The following SPATC1 variants were observed in gnomAD, a reference collection of about 807,000 sequenced individuals.
The protein encoded by SPATC1 is speriolin.
Under a neutral mutation model 36.5 loss-of-function variants are expected in SPATC1, and 35 were observed. That is an observed-to-expected ratio of 0.96 (90% confidence interval 0.73 to 1.27). The LOEUF (loss-of-function observed/expected upper bound fraction) is 1.27, where lower values mean the gene tolerates loss of function less well. Ranked by LOEUF, SPATC1 falls within the 50% of genes most tolerant of loss-of-function variation. SPATC1 has a pLI of 0.00. For missense variants in SPATC1, 779 were observed against 796.0 expected (o/e 0.98, Z 0.26); for synonymous variants, 361 against 353.6 (o/e 1.02, Z -0.24).
Position 144,012,703 on chromosome 8 carries a change from G to A in SPATC1, c.188G>A (p.Gly63Asp), listed in dbSNP as rs1554752630. The A allele has an allele frequency of 3.4e-5, 52 of 1,551,564 alleles. No homozygotes were observed. The highest frequency in any genetic ancestry group is 4.4e-5 in the Non-Finnish European group (50 of 1,146,994). The stretch of plus-strand genomic sequence containing the variant: ...AGTGGGCTTGGTGAGGCAACAGCAG[G>A]CCTTTCCTCACGCCAGAACAATGGT... ...FTSGLGEATA[G>D]LSSRQNNGVF... The change falls in exon 1 of 5, where the codon GGC becomes GAC. Residue 63 changes from glycine (G) to aspartate (D), a missense_variant. Physicochemically the swap from Gly to Asp is moderately conservative, Grantham distance 94. Transcript: ENST00000377470.
At chr8:144,023,374 C>T (rs1359480930) in intron 1 of SPATC1, among the ~76,000 whole-genome samples, 1 of 3,554 alleles carries the variant, frequency 2.8e-4, no homozygotes, top group African/African-American at 7.3e-4. Flanking sequence ...AGAACCCTTT[C>T]CCTAAGGACC....
In SPATC1 at chr8:144,024,530, T is replaced by C. The variant is rs1834634220; in HGVS notation, c.211+11804T>C. Among the ~76,000 whole-genome samples the C allele has an allele frequency of 4.6e-5, 6 of 131,000 alleles. 1 individual carries two copies. The Admixed American group carries it at 4.7e-4, about 10-fold the overall frequency. The allele number at this position is 131,000 out of a possible 152,430, so 85.9% of individuals were successfully genotyped here. On this transcript the variant is annotated intron_variant, in intron 1 of 4. Transcript: ENST00000377470. ...GGGATCCTCTCCCCTCAAGACCCCC[T>C]TCCCTCAGGACCCTCTCCCCTCAAA...
Position 144,040,975 on chromosome 8 carries a change from A to G in SPATC1, c.1174A>G (p.Thr392Ala), listed in dbSNP as rs1554755894. Residue 392 changes from threonine (T) to alanine (A), a missense_variant, in exon 3 of 5, where the codon ACC (threonine) becomes GCC (alanine). Coordinates refer to ENST00000377470, the MANE Select transcript of SPATC1 (RefSeq NM_198572.3). ...PPHNAHSPPR[T>A]SSSPASVNDS... ...ACACAACGCCCACTCCCCACCTCGTACCTCATCCTCCCCGGCTTCAGTCAA... is the reference window on the plus strand; with the variant it reads ...ACACAACGCCCACTCCCCACCTCGTGCCTCATCCTCCCCGGCTTCAGTCAA... 1 of 1,610,820 alleles carries G rather than the reference A, an allele frequency of 6.2e-7. No individual in the cohort carries two copies.
At chr8:144,038,841 C>T (rs1834983967) in intron 1 of SPATC1, among the ~76,000 whole-genome samples, 4 of 152,148 alleles carry the variant, frequency 2.6e-5, no homozygotes, top group Non-Finnish European at 5.9e-5. Context: ...CCGGGTTGCC[C>T]GTGGCTGCCT....
At chr8:144,019,041 C>CAA (rs1212175839) in intron 1 of SPATC1, among the ~76,000 whole-genome samples, 845 of 55,642 alleles carry the variant, frequency 0.015, 22 homozygotes, top group African/African-American at 0.04. Context: ...GACTCCGTCT[C>CAA]AAAAAAAAAA....
Position 144,040,459 on chromosome 8 carries a change from C to A in SPATC1, c.762C>A (p.Thr254=). The A allele has an allele frequency of 6.3e-7, 1 of 1,595,326 alleles. No individual in the cohort carries two copies. The highest frequency in any genetic ancestry group is 8.5e-7 in the Non-Finnish European group (1 of 1,170,876). Residue 254 remains threonine, a synonymous_variant, in exon 2 of 5, where the codon ACC becomes ACA. Coordinates refer to ENST00000377470, the MANE Select transcript of SPATC1 (RefSeq NM_198572.3). ...SPACVVPTAT[T]KVPLSTEPPQ... is the part of the protein sequence containing the mutation. The stretch of plus-strand genomic sequence containing the variant: ...CTTGCGTGGTACCCACTGCCACCAC[C>A]AAAGGTAACAGGTGTGGTGGGTGGT...
Position 144,040,043 on chromosome 8 carries a change from C to T in SPATC1, c.346C>T (p.Pro116Ser), listed in dbSNP as rs371931424. 2 of 1,613,706 alleles carry T rather than the reference C, an allele frequency of 1.2e-6. No homozygotes were observed. Among genetic ancestry groups the T allele is most frequent in the Non-Finnish European group, 1.7e-6 (2 of 1,179,994 alleles). The part of the protein sequence containing the change: ...PSATPGSLMS[P>S]LTGTLSTLLS... ...CGCCACACCGGGCTCACTCATGAGC[C>T]CCCTGACAGGCACCCTCAGCACGCT... Residue 116 changes from proline to serine, a missense_variant, in exon 2 of 5, where the codon CCC (proline) becomes TCC (serine). Coordinates refer to ENST00000377470, the MANE Select transcript of SPATC1 (RefSeq NM_198572.3).
chr8:144,013,684 G>T (rs538807771), intron 1 of SPATC1, among the ~76,000 whole-genome samples: 1 of 152,112 alleles, frequency 6.6e-6, no homozygotes, highest in East Asian at 1.9e-4. Context: ...GGCCAGGTGC[G>T]GTGGCTCACA....
Position 144,046,583 on chromosome 8 carries a change from GA to G in SPATC1, c.1447-43del, listed in dbSNP as rs782448249. ...TCTTCCCCTTACCTGCCTGTGTGTGGAGGTGTGGCAAGGGAGGGTCCCTGAT... is the reference window on the plus strand; with the variant it reads ...TCTTCCCCTTACCTGCCTGTGTGTGGGGTGTGGCAAGGGAGGGTCCCTGAT... On this transcript the variant is annotated intron_variant, in intron 4 of 4. Coordinates refer to ENST00000377470, the MANE Select transcript of SPATC1 (RefSeq NM_198572.3). The surrounding 1 kb of genome is among the most constrained non-coding windows in gnomAD (Gnocchi z 6.6). 1.3e-6 allele frequency: 2 copies of G among 1,551,004 alleles called. No homozygotes were observed. Among genetic ancestry groups the G allele is most frequent in the Admixed American group, 1.7e-5 (1 of 58,514 alleles).
intron 1 of SPATC1, among the ~76,000 whole-genome samples, chr8:144,019,677 C>G (rs1642249806): frequency 6.6e-6 from 1 of 152,102 alleles, no homozygotes; most frequent in Non-Finnish European, 1.5e-5. Flanking sequence ...AGTAACTGCA[C>G]TGAAAACTGG....
At chr8:144,034,876 C>A (rs1208571681) in intron 1 of SPATC1, among the ~76,000 whole-genome samples, 1 of 152,162 alleles carries the variant, frequency 6.6e-6, no homozygotes, top group Non-Finnish European at 1.5e-5. Flanking sequence ...CTGCCTCGGC[C>A]TCCCAAAGTG....
intron 1 of SPATC1, among the ~76,000 whole-genome samples, chr8:144,039,577 G>A (rs1234180964): frequency 6.6e-6 from 1 of 152,202 alleles, no homozygotes; most frequent in African/African-American, 2.4e-5. Context: ...TGAGGAAAGG[G>A]CAGCGGGACG....
Position 144,012,416 on chromosome 8 carries a change from A to C in SPATC1, c.-100A>C. 9.5e-7 allele frequency: 1 copy of C among 1,051,168 alleles called. No individual in the cohort carries two copies. The highest frequency in any genetic ancestry group is 1.4e-6 in the Non-Finnish European group (1 of 706,592). The allele number at this position is 1,051,168 out of a possible 1,614,324, so 65.1% of individuals were successfully genotyped here. A position where few individuals can be genotyped will look rare whatever the true frequency, so the allele number is the denominator to read the frequency against. ...AGGGCCCACTGGGCCAGCCTTGCAG[A>C]CTCTGCACCCTCCTTCAGCCCAGGC... On this transcript the variant is annotated 5_prime_UTR_variant, in exon 1 of 5. Transcript: ENST00000377470.
intron 1 of SPATC1, among the ~76,000 whole-genome samples, chr8:144,020,402 C>T (rs1008350524): frequency 5.3e-5 from 8 of 150,590 alleles, no homozygotes; most frequent in Non-Finnish European, 1.0e-4. Flanking sequence ...CCTGATAACC[C>T]TCTCCCCTCA....
chr8:144,020,790 C>G (rs1834504210), intron 1 of SPATC1, among the ~76,000 whole-genome samples: 1 of 143,492 alleles, frequency 7.0e-6, no homozygotes, highest in South Asian at 2.3e-4. Flanking sequence ...TTAGGGCCCT[C>G]TCCCATCAAA....
chr8:144,041,504 G>A, intron 4 of SPATC1, 133 bp downstream of exon 4: 2 of 1,178,570 alleles, frequency 1.7e-6, no homozygotes, highest in South Asian at 3.1e-5. Context: ...TGACTGCTCA[G>A]TGCCAACGGC....
At chr8:144,031,533 C>T (rs984248697) in intron 1 of SPATC1, among the ~76,000 whole-genome samples, 1 of 146,096 alleles carries the variant, frequency 6.8e-6, no homozygotes, top group Non-Finnish European at 1.5e-5. Context: ...AAGCGATCCT[C>T]TGGCCTCAAA....
rs1008330079 is a variant in SPATC1, at chr8:144,012,740, C to A, written c.211+14C>A. 7.7e-6 allele frequency: 12 copies of A among 1,551,500 alleles called. No homozygotes were observed. The highest frequency in any genetic ancestry group is 9.6e-6 in the Non-Finnish European group (11 of 1,146,818). ...GCCAGAACAATGGTAAGAGGCCTCG[C>A]TCCCAAGAGAGTGAGGAGGGAAGTG... On this transcript the variant is annotated intron_variant, in intron 1 of 4. Coordinates refer to ENST00000377470, the MANE Select transcript of SPATC1 (RefSeq NM_198572.3).
At chr8:144,018,796 C>A (rs1284366451) in intron 1 of SPATC1, among the ~76,000 whole-genome samples, 2 of 150,698 alleles carry the variant, frequency 1.3e-5, no homozygotes, top group Non-Finnish European at 2.9e-5. Context: ...CTTTGGAAGG[C>A]CGAGCCGGGC....
Sources: gnomAD v4.1 joint callset for allele counts (sites outside exome capture counted in the v4.1 genomes callset) on GRCh38, gnomAD v4.1.1 for gene constraint, Gnocchi (gnomAD v3.1) non-coding constraint, MANE v1.5 for transcripts, NCBI Gene and HGNC (gene_info 2026-07-23, HGNC 2026-07-21) for gene names.